RPL28: variants seen among roughly 807,000 people sequenced by gnomAD.
The protein encoded by RPL28 is large ribosomal subunit protein eL28.
In RPL28, 4 loss-of-function variants were observed where a neutral mutation model predicts 12.5. The observed-to-expected ratio is 0.32, with a 90% CI of 0.16 to 0.73. The LOEUF (loss-of-function observed/expected upper bound fraction) is 0.73. Ranked by LOEUF, RPL28 falls within the 30% of genes least tolerant of loss-of-function variation. The pLI is 0.66. For synonymous variants in RPL28, 91 were observed against 72.5 expected (o/e 1.26, Z -1.30); for missense variants, 214 against 197.7 (o/e 1.08, Z -0.49).
At chr19:55,401,899 C>T (rs1600318376) in intron 4 of RPL28, 6 of 780,816 alleles carry the variant, frequency 7.7e-6, no homozygotes, top group African/African-American at 6.0e-5. Context: ...ACCTATGCTG[C>T]ATCCTCCCTC....
intron 3 of RPL28, 193 bp from the exon 4 acceptor site, chr19:55,387,737 C>T (rs1038496472): frequency 2.1e-6 from 3 of 1,442,220 alleles, no homozygotes; most frequent in African/African-American, 1.4e-5. Context: ...GCTGTGTCCT[C>T]AGTACTCCGT....
intron 4 of RPL28, among the ~76,000 whole-genome samples, chr19:55,398,625 G>A (rs2090037782): frequency 6.6e-6 from 1 of 152,180 alleles, no homozygotes; most frequent in Admixed American, 6.5e-5. Context: ...GCTTGTTCAA[G>A]TGTTTTTGCC....
chr19:55,395,631 C>G (rs573781375), downstream of RPL28, among the ~76,000 whole-genome samples: 3,288 of 151,222 alleles, frequency 0.022, 50 homozygotes, highest in Non-Finnish European at 0.033. Flanking sequence ...TTTTAGTAGA[C>G]ATGGGGTTTC....
intron 4 of RPL28, chr19:55,400,714 C>A (rs140397330): frequency 6.6e-6 from 1 of 152,334 alleles, no homozygotes; most frequent in African/African-American, 2.4e-5. Context: ...TGAGCAGAGA[C>A]TAGCTCAGCC....
In RPL28 at chr19:55,388,688, A is replaced by AGGCTGAG; in HGVS notation, c.*362_*368dup. The AGGCTGAG allele has an allele frequency of 9.3e-7, 1 of 1,070,176 alleles. No homozygotes were observed. The allele number at this position is 1,070,176 out of a possible 1,614,324, so 66.3% of individuals were successfully genotyped here. A position where few individuals can be genotyped will look rare whatever the true frequency, so the allele number is the denominator to read the frequency against. On this transcript the variant is annotated 3_prime_UTR_variant, in exon 5 of 5. Coordinates refer to ENST00000344063, the MANE Select transcript of RPL28 (RefSeq NM_000991.5). ...GGCCTTTTCTAGCCCAGAAGGGTGC[A>AGGCTGAG]GGCTGAGGGCTGGGCCCTGGGCCCT...
At chr19:55,395,651 G>C (rs1019091758), downstream of RPL28, among the ~76,000 whole-genome samples, 6 of 151,482 alleles carry the variant, frequency 4.0e-5, no homozygotes, top group East Asian at 5.9e-4. Context: ...CACTGTGTTA[G>C]CCAGGATGGT....
chr19:55,399,125 T>G (rs1742858340), intron 4 of RPL28, among the ~76,000 whole-genome samples: 1 of 152,010 alleles, frequency 6.6e-6, no homozygotes, highest in African/African-American at 2.4e-5. Flanking sequence ...GAGCTGAGAT[T>G]ACAGGCGCAC....
chr19:55,396,860 G>A (rs190384926), downstream of RPL28, among the ~76,000 whole-genome samples: 2 of 151,690 alleles, frequency 1.3e-5, no homozygotes, highest in African/African-American at 2.4e-5. Context: ...GATTACAGGT[G>A]TGAGCCACGG....
chr19:55,394,089 T>C (rs111864858), downstream of RPL28, among the ~76,000 whole-genome samples: 4,934 of 151,984 alleles, frequency 0.032, 285 homozygotes, highest in African/African-American at 0.11. Flanking sequence ...AGTGAAACCC[T>C]ATCTATACTA....
At chr19:55,402,775 C>CCCCTGT (rs1274621305) in intron 4 of RPL28, among the ~76,000 whole-genome samples, 1 of 152,180 alleles carries the variant, frequency 6.6e-6, no homozygotes, top group Non-Finnish European at 1.5e-5. Flanking sequence ...CCTCCAATGA[C>CCCCTGT]ACCCCAGGGG....
rs1224169140 is a variant in RPL28, at chr19:55,386,780, T to C, written c.205+87T>C. On this transcript the variant is annotated intron_variant, in intron 3 of 4. Transcript: ENST00000344063. Reference sequence around the variant, plus strand: ...TTTTACTGTCAGGCAGGAAGAGCGGTAACTGCCATCGCGGCGGGCATCCCT... The same window carrying C: ...TTTTACTGTCAGGCAGGAAGAGCGGCAACTGCCATCGCGGCGGGCATCCCT... 6 of 1,611,616 alleles carry C rather than the reference T, an allele frequency of 3.7e-6. No homozygotes were observed. In the Admixed American group the frequency reaches 1.0e-4, roughly 27 times the overall value.
At position 55,401,822 on chromosome 19, in the gene RPL28, C is replaced by CCA. The variant is rs567771832; in HGVS notation, c.325-1118_325-1117dup. On this transcript the variant is annotated intron_variant, in intron 4 of 4. Transcript: ENST00000560055. ...GCAACCTACAGGGACCCCCAGGCCT[C>CCA]CACAAGAGGGTGGCCTCCGCACTGG... The CCA allele has an allele frequency of 1.6e-4, 252 of 1,586,218 alleles. No homozygotes were observed. In the African/African-American group the frequency reaches 3.1e-3, roughly 20 times the overall value.
Position 55,392,072 on chromosome 19 carries a change from C to A in RPL28, c.*3740C>A. 1 of 1,013,796 alleles carries A rather than the reference C, an allele frequency of 9.9e-7. No homozygotes were observed. Among genetic ancestry groups the A allele is most frequent in the African/African-American group, 1.7e-5 (1 of 58,554 alleles). The allele number at this position is 1,013,796 out of a possible 1,614,324, so 62.8% of individuals were successfully genotyped here. ...TTGTAGCCAGTTACTAGAATAAAATCATCTACTTTAAAATCTTTCATTATG... is the reference window on the plus strand; with the variant it reads ...TTGTAGCCAGTTACTAGAATAAAATAATCTACTTTAAAATCTTTCATTATG... On this transcript the variant is annotated 3_prime_UTR_variant, in exon 5 of 5. Transcript: ENST00000344063.
chr19:55,398,336 C>T (rs971212684), intron 4 of RPL28, among the ~76,000 whole-genome samples: 1 of 152,144 alleles, frequency 6.6e-6, no homozygotes, highest in East Asian at 1.9e-4. Flanking sequence ...AAAACCAAAC[C>T]GAAACCAAAA....
At chr19:55,386,952 A>C (rs1352921859) in intron 3 of RPL28, 1 of 1,460,854 alleles carries the variant, frequency 6.8e-7, no homozygotes, top group Non-Finnish European at 9.0e-7. Context: ...TTGAGAGTTA[A>C]GGCACGGGGT....
chr19:55,403,004 G>A, exon 5 of RPL28: 3 of 1,533,474 alleles, frequency 2.0e-6, no homozygotes, highest in South Asian at 1.2e-5. Context: ...CCTAGACCAG[G>A]ACGCCTCCAC....
downstream of RPL28, among the ~76,000 whole-genome samples, chr19:55,395,743 T>A (rs1325034688): frequency 6.6e-6 from 1 of 152,136 alleles, no homozygotes; most frequent in Non-Finnish European, 1.5e-5. Flanking sequence ...GCGCCCAGCC[T>A]CTTTTTCTCA....
In RPL28 at chr19:55,390,267, C is replaced by T. The variant is rs781337616; in HGVS notation, c.*1935C>T. 41 of 934,876 alleles carry T rather than the reference C, an allele frequency of 4.4e-5. No individual in the cohort carries two copies. Among genetic ancestry groups the T allele is most frequent in the African/African-American group, 7.1e-5 (4 of 56,016 alleles). The allele number at this position is 934,876 out of a possible 1,614,324, so 57.9% of individuals were successfully genotyped here. On this transcript the variant is annotated 3_prime_UTR_variant, in exon 5 of 5. Coordinates refer to ENST00000344063, the MANE Select transcript of RPL28 (RefSeq NM_000991.5). ...GCCCAGGCTGGCGAGTGCAATGGCG[C>T]GATCTTGGCTCACTGCAGCCTCCAC...
chr19:55,396,311 A>G (rs1012212505), downstream of RPL28, among the ~76,000 whole-genome samples: 3 of 151,728 alleles, frequency 2.0e-5, no homozygotes, highest in East Asian at 3.9e-4. Context: ...GAAATACAGC[A>G]TACACACAGA....
Sources: allele counts gnomAD v4.1 joint callset (sites outside exome capture counted in the v4.1 genomes callset), GRCh38; gene constraint gnomAD v4.1.1; transcripts MANE v1.5; gene names NCBI Gene and HGNC (gene_info 2026-07-23, HGNC 2026-07-21).